GABRB1: variants seen among roughly 807,000 people sequenced by gnomAD.
The protein encoded by GABRB1 is gamma-aminobutyric acid receptor subunit beta-1.
GABRB1 carries 17 observed loss-of-function variants against 51.6 expected under a neutral mutation model. The ratio of observed to expected loss-of-function variants is 0.33; its 90% CI spans 0.23 to 0.49. The LOEUF (loss-of-function observed/expected upper bound fraction) is 0.49, where lower values mean the gene tolerates loss of function less well. Among genes scored for constraint, GABRB1 ranks in the 20% least tolerant of loss-of-function variants. The pLI, the probability that GABRB1 is intolerant of heterozygous loss-of-function variation, is 0.99. For missense variants in GABRB1, 410 were observed against 600.6 expected, an observed-to-expected ratio of 0.68 and a Z score of 3.32; for synonymous variants, 247 against 218.9, an observed-to-expected ratio of 1.13 and a Z score of -1.14.
intron 5 of GABRB1, among the ~76,000 whole-genome samples, chr4:47,349,700 T>C (rs1330860494): frequency 1.3e-5 from 2 of 152,184 alleles, no homozygotes; most frequent in African/African-American, 2.4e-5. Context: ...TAAGGTTAGG[T>C]TCAACAAGCT....
intron 4 of GABRB1, among the ~76,000 whole-genome samples, chr4:47,299,729 C>T (rs552905190): frequency 2.3e-3 from 344 of 152,016 alleles, no homozygotes; most frequent in Non-Finnish European, 3.9e-3. Flanking sequence ...ACCCAGCCAT[C>T]CCATTACTGG....
chr4:47,161,371 C>T lies in GABRB1; in HGVS notation c.363C>T (p.Thr121=), dbSNP rs1717950418. ...CTGACCAACTCTGGGTACCAGACACCTACTTTCTGAATGACAAGAAATCAT... is the reference window on the plus strand; with the variant it reads ...CTGACCAACTCTGGGTACCAGACACTTACTTTCTGAATGACAAGAAATCAT... ...RVADQLWVPD[T]YFLNDKKSFV... The change falls in exon 4 of 9, where the codon ACC becomes ACT. Residue 121 remains threonine (T), a synonymous_variant. Transcript: ENST00000295454. 1.2e-6 allele frequency: 2 copies of T among 1,612,764 alleles called. No homozygotes were observed. Among genetic ancestry groups the T allele is most frequent in the African/African-American group, 1.3e-5 (1 of 74,796 alleles).
intron 3 of GABRB1, among the ~76,000 whole-genome samples, chr4:47,140,355 A>G (rs1442589161): frequency 1.3e-5 from 2 of 152,038 alleles, no homozygotes; most frequent in African/African-American, 4.8e-5. Context: ...ATCAAAATAT[A>G]CAATTCTCTG....
intron 5 of GABRB1, among the ~76,000 whole-genome samples, chr4:47,387,728 T>C (rs1727849425): frequency 6.6e-6 from 1 of 152,152 alleles, no homozygotes; most frequent in Admixed American, 6.5e-5. Flanking sequence ...CTCATCCACA[T>C]GGGACCAGAA....
chr4:47,311,543 T>C (rs1457771142), intron 4 of GABRB1, among the ~76,000 whole-genome samples: 1 of 151,232 alleles, frequency 6.6e-6, no homozygotes, highest in Admixed American at 6.6e-5. Context: ...GAAGGGTCCA[T>C]AAGCCAAGGA....
intron 1 of GABRB1, among the ~76,000 whole-genome samples, chr4:47,025,099 TATATC>T (rs1416521012): frequency 2.7e-5 from 4 of 150,504 alleles, no homozygotes; most frequent in Non-Finnish European, 5.9e-5. Flanking sequence ...ATCACATATA[TATATC>T]ATATATATAT....
At chr4:47,404,491 A>ACG (rs1348906236) in intron 7 of GABRB1, among the ~76,000 whole-genome samples, 5 of 31,490 alleles carry the variant, frequency 1.6e-4, no homozygotes, top group African/African-American at 3.4e-4. Context: ...ACACGCATGC[A>ACG]CACACACACA....
intron 5 of GABRB1, among the ~76,000 whole-genome samples, chr4:47,336,606 G>A (rs1216880502): frequency 6.6e-6 from 1 of 152,120 alleles, no homozygotes; most frequent in East Asian, 1.9e-4. Context: ...GAAAACCTAG[G>A]AGAGAAGGGT....
chr4:47,063,000 T>C (rs1333447904), intron 3 of GABRB1, among the ~76,000 whole-genome samples: 1 of 152,200 alleles, frequency 6.6e-6, no homozygotes, highest in African/African-American at 2.4e-5. Context: ...CATAGGGATG[T>C]TTCTAAATGC....
At chr4:47,394,710 G>C (rs1440162034) in intron 5 of GABRB1, among the ~76,000 whole-genome samples, 1 of 151,460 alleles carries the variant, frequency 6.6e-6, no homozygotes, top group Non-Finnish European at 1.5e-5. Flanking sequence ...AATGGATTTT[G>C]CTGAGGCATT....
At chr4:47,284,789 A>G (rs1723445473) in intron 4 of GABRB1, among the ~76,000 whole-genome samples, 1 of 152,350 alleles carries the variant, frequency 6.6e-6, no homozygotes, top group Non-Finnish European at 1.5e-5. Flanking sequence ...AAACAGTTTC[A>G]TAATTAAACA....
chr4:47,207,651 G>T (rs545724152), intron 4 of GABRB1, among the ~76,000 whole-genome samples: 13 of 150,382 alleles, frequency 8.6e-5, no homozygotes, highest in Middle Eastern at 3.4e-3. Context: ...TGTCAAATGT[G>T]CAGTGTTTTT....
At chr4:47,232,477 G>T (rs1211232444) in intron 4 of GABRB1, among the ~76,000 whole-genome samples, 1 of 151,616 alleles carries the variant, frequency 6.6e-6, no homozygotes, top group East Asian at 1.9e-4. Context: ...CTTCTTATTT[G>T]GTTCATCCAT....
chr4:47,028,852 T>C (rs988205576), upstream of GABRB1, among the ~76,000 whole-genome samples: 1 of 142,852 alleles, frequency 7.0e-6, no homozygotes, highest in Non-Finnish European at 1.5e-5. Context: ...GGTGTATATG[T>C]GTATATATGG....
chr4:47,229,223 T>A (rs1456647589), intron 4 of GABRB1, among the ~76,000 whole-genome samples: 1 of 152,208 alleles, frequency 6.6e-6, no homozygotes, highest in Non-Finnish European at 1.5e-5. Flanking sequence ...TGATGTTCAA[T>A]ACATGTTTGC....
intron 3 of GABRB1, among the ~76,000 whole-genome samples, chr4:47,123,637 ATTACATTATT>A (rs1715929388): frequency 1.4e-5 from 1 of 71,190 alleles, no homozygotes; most frequent in Non-Finnish European, 2.4e-5. Flanking sequence ...ATTATAATAT[ATTACATTATT>A]TTATATATAT....
At chr4:47,371,091 A>ACCC (rs1560355841) in intron 5 of GABRB1, among the ~76,000 whole-genome samples, 1 of 121,726 alleles carries the variant, frequency 8.2e-6, no homozygotes, top group African/African-American at 3.1e-5. Context: ...TCCCTCCCCC[A>ACCC]CCCCCACCCT....
rs1329460051 is a variant in GABRB1, at chr4:47,350,204, T to TAGAGAG, written c.544+29996_544+29997insGAGAGA. Among the ~76,000 whole-genome samples, 103 of 93,286 alleles carry TAGAGAG rather than the reference T, an allele frequency of 1.1e-3. 2 individuals carry two copies. The highest frequency in any genetic ancestry group is 2.7e-3 in the South Asian group (7 of 2,634). 61.2% of individuals were successfully genotyped at this position (93,286 alleles called of 152,430 possible). ...CAGATTATATATATATATATATATA[T>TAGAGAG]ATATATATATATATAGAGAGAGAGA... is the stretch of plus-strand genomic sequence containing the variant. On this transcript the variant is annotated intron_variant, in intron 5 of 8. Transcript: ENST00000295454.
chr4:47,030,687 A>G (rs1421100863), upstream of GABRB1, among the ~76,000 whole-genome samples: 2 of 152,234 alleles, frequency 1.3e-5, no homozygotes, highest in Non-Finnish European at 2.9e-5. Flanking sequence ...GATTTAATTC[A>G]AACAATACTT....
Sources: allele counts gnomAD v4.1 joint callset (sites outside exome capture counted in the v4.1 genomes callset), GRCh38; gene constraint gnomAD v4.1.1; transcripts MANE v1.5; gene names NCBI Gene and HGNC (gene_info 2026-07-23, HGNC 2026-07-21).